Variants in PPARGC1A observed in about 807,000 individuals in gnomAD.
The protein encoded by PPARGC1A is PPARG coactivator 1 alpha.
In PPARGC1A, 25 loss-of-function variants were observed where a neutral mutation model predicts 88.7. The ratio of observed to expected loss-of-function variants is 0.28; its 90% CI spans 0.21 to 0.39. The LOEUF (loss-of-function observed/expected upper bound fraction) is 0.39. Ranked by LOEUF, PPARGC1A falls within the 10% of genes least tolerant of loss-of-function variation. PPARGC1A has a pLI of 1.00. For synonymous variants in PPARGC1A, 363 were observed against 355.6 expected, an observed-to-expected ratio of 1.02 and a Z score of -0.24; for missense variants, 880 against 968.7, an observed-to-expected ratio of 0.91 and a Z score of 1.22.
At chr4:24,313,194 G>T in the PPARGC1A span, among the ~76,000 whole-genome samples, 1 of 152,168 alleles carries the variant, frequency 6.6e-6, no homozygotes, top group South Asian at 2.1e-4. Context: ...GCACAAAGGA[G>T]ATAGTCAAAG....
the PPARGC1A span, among the ~76,000 whole-genome samples, chr4:23,955,340 C>T: frequency 4.8e-3 from 728 of 152,028 alleles, 16 homozygotes; most frequent in Admixed American, 0.036. Flanking sequence ...TTGATTTATG[C>T]CTTGAAAGTA....
chr4:24,337,877 A>T, the PPARGC1A span, among the ~76,000 whole-genome samples: 1 of 152,076 alleles, frequency 6.6e-6, no homozygotes, highest in Non-Finnish European at 1.5e-5. Flanking sequence ...CGACGACCCC[A>T]TTCCATCCAT....
Position 23,802,348 on chromosome 4 carries a change from AT to A in PPARGC1A, c.2020-4del. ...ACATAAATCACACGGCGCTCTTCCTATGGGGGGAAGGAAGGAGAGAGTTCTG... is the reference window on the plus strand; with the variant it reads ...ACATAAATCACACGGCGCTCTTCCTAGGGGGGAAGGAAGGAGAGAGTTCTG... On this transcript the variant is annotated splice_region_variant and splice_polypyrimidine_tract_variant and intron_variant, in intron 10 of 12. Coordinates refer to ENST00000264867, the MANE Select transcript of PPARGC1A (RefSeq NM_013261.5). 6.2e-7 allele frequency: 1 copy of A among 1,613,686 alleles called. No individual in the cohort carries two copies. The highest frequency in any genetic ancestry group is 8.5e-7 in the Non-Finnish European group (1 of 1,179,842).
the PPARGC1A span, among the ~76,000 whole-genome samples, chr4:23,947,851 T>C: frequency 9.3e-4 from 141 of 152,222 alleles, no homozygotes; most frequent in African/African-American, 3.1e-3. Flanking sequence ...AGGGAAATTA[T>C]ATGGTTTTTC....
chr4:24,351,126 G>A, the PPARGC1A span, among the ~76,000 whole-genome samples: 12 of 152,010 alleles, frequency 7.9e-5, no homozygotes, highest in Non-Finnish European at 1.3e-4. Flanking sequence ...AGCTACTTGC[G>A]AGGCTGAGGT....
chr4:23,931,401 T>C, the PPARGC1A span, among the ~76,000 whole-genome samples: 4,593 of 152,150 alleles, frequency 0.03, 196 homozygotes, highest in African/African-American at 0.1. Flanking sequence ...ACTAGCTCTA[T>C]TTTATTTGTG....
the PPARGC1A span, among the ~76,000 whole-genome samples, chr4:24,118,851 A>G: frequency 6.6e-6 from 1 of 152,110 alleles, no homozygotes; most frequent in East Asian, 1.9e-4. Flanking sequence ...ACAATGAAAC[A>G]TTTTCTAAGT....
intron 2 of PPARGC1A, among the ~76,000 whole-genome samples, chr4:23,844,380 AAT>A (rs904867284): frequency 1.5e-5 from 2 of 135,046 alleles, no homozygotes; most frequent in Non-Finnish European, 3.1e-5. Flanking sequence ...TATAGATTAT[AAT>A]ATGACAATCT....
Position 23,824,521 on chromosome 4 carries a change from A to C in PPARGC1A, c.758-13T>G. On this transcript the variant is annotated splice_polypyrimidine_tract_variant and intron_variant, in intron 5 of 12. Transcript: ENST00000264867. Reference sequence around the variant, plus strand: ...GTTGTTGGTTTGGCTAAAGAAAAAAAAAAGAAACTAATTATGTAATATTGA... The same window carrying C: ...GTTGTTGGTTTGGCTAAAGAAAAAACAAAGAAACTAATTATGTAATATTGA... 1.9e-6 allele frequency: 3 copies of C among 1,579,160 alleles called. No homozygotes were observed. The highest frequency in any genetic ancestry group is 2.6e-6 in the Non-Finnish European group (3 of 1,158,200).
At chr4:24,436,852 G>A in the PPARGC1A span, among the ~76,000 whole-genome samples, 2 of 150,372 alleles carry the variant, frequency 1.3e-5, no homozygotes, top group Non-Finnish European at 3.0e-5. Flanking sequence ...GGCCACCCCA[G>A]AGCCCAGGTC....
Position 23,828,399 on chromosome 4 carries a change from C to G in PPARGC1A, c.757+1G>C, listed in dbSNP as rs1724375604. The G allele has an allele frequency of 6.2e-7, 1 of 1,612,552 alleles. No individual in the cohort carries two copies. Among genetic ancestry groups the G allele is most frequent in the Non-Finnish European group, 8.5e-7 (1 of 1,178,734 alleles). On this transcript the variant is annotated splice_donor_variant, in intron 5 of 12. Transcript: ENST00000264867. LOFTEE classifies it high-confidence loss of function. ...ACAGCTCGTTTTGGTCCCCAGCCTA[C>G]CTTGTAAGTGTTGTGACTGCGACTG... is the stretch of plus-strand genomic sequence containing the variant.
chr4:24,062,115 C>T, the PPARGC1A span, among the ~76,000 whole-genome samples: 13 of 152,108 alleles, frequency 8.5e-5, no homozygotes, highest in African/African-American at 2.9e-4. Flanking sequence ...AATCCTAAGA[C>T]ATTATTTTGA....
At position 23,802,280 on chromosome 4, in the gene PPARGC1A, G is replaced by A. The variant is rs1718906413; in HGVS notation, c.2085C>T (p.Asp695=). 1 of 1,613,360 alleles carries A rather than the reference G, an allele frequency of 6.2e-7. No homozygotes were observed. The highest frequency in any genetic ancestry group is 1.6e-4 in the Middle Eastern group (1 of 6,062). ...RPDTTRTELR[D]RFEVFGEIEE... is the part of the protein sequence containing the mutation. ...CAATTTCACCAAAAACTTCAAAACG[G>A]TCCCTCAGTTCTGTCCGTGTTGTGT... Residue 695 remains aspartate (D), a synonymous_variant, in exon 11 of 13, where the codon GAC becomes GAT. Coordinates refer to ENST00000264867, the MANE Select transcript of PPARGC1A (RefSeq NM_013261.5).
At chr4:24,179,750 C>T in the PPARGC1A span, among the ~76,000 whole-genome samples, 4 of 152,144 alleles carry the variant, frequency 2.6e-5, no homozygotes, top group South Asian at 8.3e-4. Flanking sequence ...TGATTTTTTA[C>T]AGTGCCGATA....
the PPARGC1A span, among the ~76,000 whole-genome samples, chr4:24,047,160 C>T: frequency 5.3e-5 from 8 of 152,206 alleles, no homozygotes; most frequent in Non-Finnish European, 1.0e-4. Context: ...CAAACTCAAT[C>T]GTTCCTCCTG....
At chr4:24,250,083 G>A in the PPARGC1A span, among the ~76,000 whole-genome samples, 1 of 152,190 alleles carries the variant, frequency 6.6e-6, no homozygotes, top group Non-Finnish European at 1.5e-5. Flanking sequence ...CAGTGGAAAT[G>A]GGCAGGACTA....
At chr4:24,242,857 C>T in the PPARGC1A span, among the ~76,000 whole-genome samples, 6 of 152,076 alleles carry the variant, frequency 3.9e-5, no homozygotes, top group African/African-American at 1.4e-4. Flanking sequence ...ACCATCCCTC[C>T]CAGCCTCAGA....
the PPARGC1A span, among the ~76,000 whole-genome samples, chr4:24,157,841 C>A: frequency 6.6e-6 from 1 of 151,932 alleles, no homozygotes; most frequent in Non-Finnish European, 1.5e-5. Flanking sequence ...TGCCCTCATC[C>A]CCCACCCCAC....
chr4:24,423,177 C>T, the PPARGC1A span, among the ~76,000 whole-genome samples: 1 of 152,144 alleles, frequency 6.6e-6, no homozygotes, highest in African/African-American at 2.4e-5. Context: ...AATCATTGCT[C>T]CTCCCTCTGG....
Sources: gnomAD v4.1 joint callset for allele counts (sites outside exome capture counted in the v4.1 genomes callset) on GRCh38, gnomAD v4.1.1 for gene constraint, MANE v1.5 for transcripts, NCBI Gene and HGNC (gene_info 2026-07-23, HGNC 2026-07-21) for gene names.